CACNA2D3: variants seen among roughly 807,000 people sequenced by gnomAD.
CACNA2D3 encodes the protein voltage-dependent calcium channel subunit alpha-2/delta-3.
In CACNA2D3, 60 loss-of-function variants were observed where a neutral mutation model predicts 160.6. That is an observed-to-expected ratio of 0.37 (90% confidence interval 0.30 to 0.46). CACNA2D3 has a LOEUF of 0.46. Ranked by LOEUF, CACNA2D3 falls within the 20% of genes least tolerant of loss-of-function variation. The pLI is 1.00. For synonymous variants in CACNA2D3, 558 were observed against 492.9 expected (o/e 1.13, Z -1.75); for missense variants, 1,205 against 1,365.0 (o/e 0.88, Z 1.85).
At chr3:54,459,894 T>C (rs1700467519) in intron 4 of CACNA2D3, among the ~76,000 whole-genome samples, 1 of 152,246 alleles carries the variant, frequency 6.6e-6, no homozygotes, top group South Asian at 2.1e-4. Context: ...TGTAGGGTTT[T>C]TATGGTTTTA....
chr3:54,751,548 T>C (rs1394915486), intron 11 of CACNA2D3, among the ~76,000 whole-genome samples: 1 of 152,194 alleles, frequency 6.6e-6, no homozygotes, highest in South Asian at 2.1e-4. Context: ...GACACATCCC[T>C]TCCTTCCCTA....
chr3:54,382,770 C>T (rs185155426), intron 3 of CACNA2D3, among the ~76,000 whole-genome samples: 22 of 152,338 alleles, frequency 1.4e-4, no homozygotes, highest in Admixed American at 1.4e-3. Flanking sequence ...GGTGACAGAG[C>T]GAGACTCCGT....
chr3:54,901,489 C>T (rs1307361051), intron 27 of CACNA2D3, among the ~76,000 whole-genome samples: 1 of 152,134 alleles, frequency 6.6e-6, no homozygotes, highest in Non-Finnish European at 1.5e-5. Flanking sequence ...TAGAGAAGAA[C>T]GTGCACTTTC....
chr3:54,343,243 A>G (rs1385042249), intron 3 of CACNA2D3, among the ~76,000 whole-genome samples: 2 of 151,954 alleles, frequency 1.3e-5, no homozygotes, highest in East Asian at 1.9e-4. Flanking sequence ...CCTACCCTGG[A>G]GAGTTGATTC....
chr3:54,842,374 T>A lies in CACNA2D3; in HGVS notation c.1551+3726T>A, dbSNP rs539377539. ...TTTTTAATATTTACTTTAGTTGGAA[T>A]TTTCAAGATGAGCTAGGTAACATTT... is the stretch of plus-strand genomic sequence containing the variant. On this transcript the variant is annotated intron_variant, in intron 16 of 37. Transcript: ENST00000474759. Among the ~76,000 whole-genome samples the A allele has an allele frequency of 5.5e-4, 83 of 152,272 alleles. 1 individual carries two copies. Among genetic ancestry groups the A allele is most frequent in the African/African-American group, 1.7e-3 (71 of 41,552 alleles).
intron 25 of CACNA2D3, among the ~76,000 whole-genome samples, chr3:54,891,943 G>T (rs1281948380): frequency 6.6e-6 from 1 of 152,186 alleles, no homozygotes; most frequent in Non-Finnish European, 1.5e-5. Context: ...ACCCAGGAGT[G>T]GGCCCTCTGG....
At chr3:54,465,427 A>C (rs202019757) in intron 4 of CACNA2D3, among the ~76,000 whole-genome samples, 15 of 152,196 alleles carry the variant, frequency 9.9e-5, no homozygotes, top group Non-Finnish European at 2.1e-4. Context: ...TACTGTGCCT[A>C]ATTTATAAAT....
chr3:55,033,203 C>T (rs192464321), intron 35 of CACNA2D3, among the ~76,000 whole-genome samples: 5 of 152,206 alleles, frequency 3.3e-5, no homozygotes, highest in South Asian at 2.1e-4. Context: ...CTGATGCTTA[C>T]GAATCTTTCT....
intron 8 of CACNA2D3, among the ~76,000 whole-genome samples, chr3:54,572,179 A>G (rs1702510192): frequency 6.6e-6 from 1 of 152,192 alleles, no homozygotes; most frequent in Non-Finnish European, 1.5e-5. Context: ...CTGCCTATAC[A>G]GGCCTCTTCT....
chr3:54,572,158 G>A (rs1357361494), intron 8 of CACNA2D3, among the ~76,000 whole-genome samples: 2 of 152,124 alleles, frequency 1.3e-5, no homozygotes, highest in African/African-American at 4.8e-5. Context: ...GGGATTGCCT[G>A]AATTAGTATC....
At chr3:54,359,321 G>A (rs2107539869) in intron 3 of CACNA2D3, among the ~76,000 whole-genome samples, 1 of 152,270 alleles carries the variant, frequency 6.6e-6, no homozygotes, top group South Asian at 2.1e-4. Context: ...TTTTGGGAGA[G>A]CCTGCTTAAA....
At chr3:54,601,873 C>G (rs1449667437) in intron 9 of CACNA2D3, among the ~76,000 whole-genome samples, 1 of 151,948 alleles carries the variant, frequency 6.6e-6, no homozygotes, top group Non-Finnish European at 1.5e-5. Flanking sequence ...ATGTTTGACA[C>G]TGGCTAATTT....
At chr3:54,488,000 A>G (rs1701043701) in intron 4 of CACNA2D3, among the ~76,000 whole-genome samples, 1 of 152,176 alleles carries the variant, frequency 6.6e-6, no homozygotes, top group South Asian at 2.1e-4. Flanking sequence ...CTTCCTGTGG[A>G]GCCAGCATTT....
chr3:54,536,760 A>G (rs1004285119), intron 5 of CACNA2D3, among the ~76,000 whole-genome samples: 5 of 152,208 alleles, frequency 3.3e-5, no homozygotes, highest in Non-Finnish European at 5.9e-5. Flanking sequence ...GCATTTCTGC[A>G]GAGCATCTTT....
intron 16 of CACNA2D3, among the ~76,000 whole-genome samples, chr3:54,840,816 G>A (rs985388642): frequency 4.1e-5 from 6 of 147,384 alleles, no homozygotes; most frequent in Non-Finnish European, 7.4e-5. Context: ...TCCACCTCCT[G>A]GGTTCACGCC....
intron 14 of CACNA2D3, among the ~76,000 whole-genome samples, chr3:54,820,348 G>A (rs1703563082): frequency 6.6e-6 from 1 of 152,170 alleles, no homozygotes; most frequent in Non-Finnish European, 1.5e-5. Context: ...ACTGTTGTCT[G>A]TAAGTTATGG....
At chr3:54,171,280 A>G (rs945671692) in intron 2 of CACNA2D3, among the ~76,000 whole-genome samples, 5 of 151,688 alleles carry the variant, frequency 3.3e-5, no homozygotes, top group Admixed American at 2.0e-4. Context: ...AAGAGCTTTG[A>G]TGATTCTTAA....
chr3:54,281,923 A>T (rs1425545051), intron 2 of CACNA2D3, among the ~76,000 whole-genome samples: 1 of 152,134 alleles, frequency 6.6e-6, no homozygotes, highest in East Asian at 1.9e-4. Context: ...AGGCTTCCTT[A>T]TGTGTGTTAA....
At chr3:54,979,322 C>A (rs1468515965) in intron 29 of CACNA2D3, among the ~76,000 whole-genome samples, 3 of 152,160 alleles carry the variant, frequency 2.0e-5, no homozygotes, top group African/African-American at 7.2e-5. Context: ...GGTAAACACA[C>A]CATTCCAGTC....
Sources: allele counts gnomAD v4.1 joint callset (sites outside exome capture counted in the v4.1 genomes callset), GRCh38; gene constraint gnomAD v4.1.1; transcripts MANE v1.5; gene names NCBI Gene and HGNC (gene_info 2026-07-23, HGNC 2026-07-21).